Variants in EVA1C observed in about 807,000 individuals in gnomAD.
The protein encoded by EVA1C is eva-1 homolog C, also known as protein eva-1 homolog C.
A neutral mutation model predicts 45.4 loss-of-function variants in EVA1C; 25 were observed. The ratio of observed to expected loss-of-function variants is 0.55; its 90% confidence interval spans 0.40 to 0.77. The LOEUF is 0.77. EVA1C is among the 30% of genes least tolerant of loss of function. The probability of loss-of-function intolerance (pLI) is 0.00; values close to 1 mark genes in which losing one functional copy is unlikely to be tolerated. For missense variants in EVA1C, 479 were observed against 554.8 expected, an observed-to-expected ratio of 0.86 and a Z score of 1.37; for synonymous variants, 190 against 221.2, an observed-to-expected ratio of 0.86 and a Z score of 1.25.
chr21:32,503,049 A>T (rs2833855), intron 6 of EVA1C, among the ~76,000 whole-genome samples: 2 of 152,132 alleles, frequency 1.3e-5, no homozygotes, highest in East Asian at 3.9e-4. Flanking sequence ...CCTGTCTGAC[A>T]TGGCTAGGAG....
chr21:32,421,583 A>ACCTG (rs1440413322), intron 1 of EVA1C, among the ~76,000 whole-genome samples: 2 of 152,250 alleles, frequency 1.3e-5, no homozygotes, highest in East Asian at 3.8e-4. Flanking sequence ...GTCCCATGAT[A>ACCTG]CCTGGCAAAA....
intron 4 of EVA1C, among the ~76,000 whole-genome samples, chr21:32,484,268 C>T (rs1260658754): frequency 6.6e-6 from 1 of 152,142 alleles, no homozygotes; most frequent in Admixed American, 6.6e-5. Context: ...GTGGACCAGG[C>T]GCAGTGGCTG....
rs184060972 is a variant in EVA1C, at chr21:32,420,168, T to A, written c.160+7155T>A. ...AAAATACTTTTAGGGTTTTAAAAAA[T>A]TTTTACAGCCTGGCCCATAGGGTGA... On this transcript the variant is annotated intron_variant, in intron 1 of 7. Transcript: ENST00000300255. Among the ~76,000 whole-genome samples, 523 of 122,946 alleles carry A rather than the reference T, an allele frequency of 4.3e-3. 20 individuals are homozygous for A. The East Asian group carries it at 0.1, about 24-fold the overall frequency. 80.7% of individuals were successfully genotyped at this position (122,946 alleles called of 152,430 possible).
rs150478870 is a variant in EVA1C at position 32,514,961 on chromosome 21, A to T, written c.1097A>T (p.Asp366Val). 1.2e-4 allele frequency: 194 copies of T among 1,614,026 alleles called. No individual in the cohort carries two copies. The highest frequency in any genetic ancestry group is 1.5e-4 in the Non-Finnish European group (178 of 1,180,022). ...AGGGAGCAGCTGGTGCCAGGAAGTG[A>T]CAAGGTCGAGGAGGACAGCGAGGAT... is the stretch of plus-strand genomic sequence containing the variant. ...LGREQLVPGS[D>V]KVEEDSEDEE... Residue 366 changes from aspartate (D) to valine (V), a missense_variant, in exon 8 of 8, where the codon GAC (aspartate) becomes GTC (valine). This residue lies in a region of EVA1C where 366 missense variants were observed against 426.1 expected (regional missense o/e 0.86). Transcript: ENST00000300255.
intron 1 of EVA1C, among the ~76,000 whole-genome samples, chr21:32,434,068 G>T (rs60665902): frequency 6.6e-6 from 1 of 151,910 alleles, no homozygotes; most frequent in Admixed American, 6.6e-5. Flanking sequence ...GCCGAGGTGG[G>T]TGGATCATTT....
chr21:32,417,099 T>A (rs1301374480), intron 1 of EVA1C, among the ~76,000 whole-genome samples: 1 of 152,206 alleles, frequency 6.6e-6, no homozygotes, highest in African/African-American at 2.4e-5. Context: ...CCTGAGTAGC[T>A]AGGATTACAG....
In EVA1C at chr21:32,423,070, C is replaced by CAAAAAAA. The variant is rs3056306; in HGVS notation, c.160+10077_160+10083dup. 1.1e-3 allele frequency among the ~76,000 whole-genome samples: 97 copies of CAAAAAAA among 85,566 alleles called. 4 individuals are homozygous for CAAAAAAA. Among genetic ancestry groups the CAAAAAAA allele is most frequent in the East Asian group, 3.0e-3 (8 of 2,642 alleles). 56.1% of individuals were successfully genotyped at this position (85,566 alleles called of 152,430 possible). ...TGGGCAGCAGAGTGAGACTCTGTCTCAAAAAAAAAAAAAAAAAAAAAAAAA... is the reference window on the plus strand; with the variant it reads ...TGGGCAGCAGAGTGAGACTCTGTCTCAAAAAAAAAAAAAAAAAAAAAAAAAAAAAAAA... On this transcript the variant is annotated intron_variant, in intron 1 of 7. Transcript: ENST00000300255.
intron 7 of EVA1C, among the ~76,000 whole-genome samples, chr21:32,510,246 G>A (rs2037904827): frequency 6.6e-6 from 1 of 151,836 alleles, no homozygotes; most frequent in Non-Finnish European, 1.5e-5. Flanking sequence ...GTAGAGATGG[G>A]GTTTCATCAT....
rs1220573874 is a variant in EVA1C, at chr21:32,418,366, G to GA, written c.160+5357dup. Among the ~76,000 whole-genome samples, 4 of 152,286 alleles carry GA rather than the reference G, an allele frequency of 2.6e-5. No individual in the cohort carries two copies. The East Asian group carries it at 7.7e-4, about 29-fold the overall frequency. On this transcript the variant is annotated intron_variant, in intron 1 of 7. Coordinates refer to ENST00000300255, the MANE Select transcript of EVA1C (RefSeq NM_058187.5). ...GTTTCCATGGAAAGTGACTACATCT[G>GA]AAAAGTTTTCTGCCGGCTCTTTTTA...
chr21:32,455,551 T>G (rs2035748669), intron 2 of EVA1C, among the ~76,000 whole-genome samples: 1 of 152,082 alleles, frequency 6.6e-6, no homozygotes, highest in South Asian at 2.1e-4. Flanking sequence ...CCCCCATTTC[T>G]CAGCCACCTG....
chr21:32,437,358 G>A (rs1397768110), intron 1 of EVA1C, among the ~76,000 whole-genome samples: 1 of 152,064 alleles, frequency 6.6e-6, no homozygotes, highest in African/African-American at 2.4e-5. Flanking sequence ...GGTCTCAGTT[G>A]GCACCTTCCT....
chr21:32,454,336 C>A (rs1216196893), intron 2 of EVA1C, among the ~76,000 whole-genome samples: 1 of 152,164 alleles, frequency 6.6e-6, no homozygotes, highest in Non-Finnish European at 1.5e-5. Context: ...GTCATTCTTG[C>A]TTGGAGCTAT....
intron 3 of EVA1C, among the ~76,000 whole-genome samples, chr21:32,466,290 G>T (rs947929002): frequency 1.3e-5 from 2 of 151,920 alleles, no homozygotes; most frequent in African/African-American, 4.8e-5. Flanking sequence ...GTGGTGGCGG[G>T]TGCCTGTAGT....
intron 4 of EVA1C, 66 bp downstream of exon 4, chr21:32,467,914 A>ATT: frequency 9.8e-7 from 1 of 1,017,122 alleles, no homozygotes; most frequent in Non-Finnish European, 1.3e-6. Context: ...GAATATATAT[A>ATT]TATATATCCT....
At position 32,412,924 on chromosome 21, in the gene EVA1C, A is replaced by T. The variant is rs763415054; in HGVS notation, c.71A>T (p.Gln24Leu). The change falls in exon 1 of 8, where the codon CAG becomes CTG. Residue 24 changes from glutamine to leucine, a missense_variant. By Grantham distance (113) the Gln-to-Leu change is moderately radical. Around this residue, in one of 3 missense-constraint regions of EVA1C, gnomAD observed 80 missense variants for 63.8 expected, o/e 1.25. Transcript: ENST00000300255. Reference sequence around the variant, plus strand: ...GTGCAGCATCCCGGCCTCCGCCGGCAGGTAGAGCCGCCGGGGCAGCTCCTG... The same window carrying T: ...GTGCAGCATCCCGGCCTCCGCCGGCTGGTAGAGCCGCCGGGGCAGCTCCTG... ...QPVQHPGLRR[Q>L]VEPPGQLLRL... 1 of 1,528,822 alleles carries T rather than the reference A, an allele frequency of 6.5e-7. No individual in the cohort carries two copies. Among genetic ancestry groups the T allele is most frequent in the South Asian group, 1.2e-5 (1 of 82,030 alleles). 94.7% of individuals were successfully genotyped at this position (1,528,822 alleles called of 1,614,324 possible).
At position 32,467,810 on chromosome 21, in the gene EVA1C, A is replaced by G. The variant is rs1329877940; in HGVS notation, c.596A>G (p.Asp199Gly). The G allele has an allele frequency of 3.7e-6, 6 of 1,612,770 alleles. No homozygotes were observed. Among genetic ancestry groups the G allele is most frequent in the Middle Eastern group, 1.6e-4 (1 of 6,074 alleles). Residue 199 changes from aspartate (D) to glycine (G), a missense_variant, in exon 4 of 8, where the codon GAC (aspartate) becomes GGC (glycine). Asp to Gly is a moderately conservative substitution (Grantham distance 94). Coordinates refer to ENST00000300255, the MANE Select transcript of EVA1C (RefSeq NM_058187.5). ...TACGGCAGGAGGACCCAGGAAAGGG[A>G]CATCTGCTCCTCCAAGGCAGAGCGG... ...ATYGRRTQERDICSSKAERLP... is the reference protein window; with the variant it reads ...ATYGRRTQERGICSSKAERLP...
rs573759995 is a variant in EVA1C, at chr21:32,512,910, G to C, written c.950-1904G>C. ...GGGAGGAAAGGAGGGAAATTCAAAG[G>C]GGAGGAAGATGAAAGTGAAGTCGGG... On this transcript the variant is annotated intron_variant, in intron 7 of 7. Transcript: ENST00000300255. Among the ~76,000 whole-genome samples the C allele has an allele frequency of 4.4e-4, 67 of 152,076 alleles. No individual in the cohort carries two copies. In the South Asian group the frequency reaches 0.014, roughly 31 times the overall value.
rs759305143 is a variant in EVA1C at position 32,495,160 on chromosome 21, C to A, written c.768C>A (p.Thr256=). The A allele has an allele frequency of 6.2e-6, 10 of 1,614,022 alleles. No homozygotes were observed. In the Admixed American group the frequency reaches 1.7e-4, roughly 27 times the overall value. ...GCGTGAAAAAATACCTCACTGTGAC[C>A]TACGCATGTGGTAAGAACACACCCC... ...LPGVKKYLTV[T]YACVPKNILT... Residue 256 remains threonine (T), a synonymous_variant, in exon 5 of 8, where the codon ACC becomes ACA. Coordinates refer to ENST00000300255, the MANE Select transcript of EVA1C (RefSeq NM_058187.5).
At chr21:32,475,508 G>A (rs2036523776) in intron 4 of EVA1C, among the ~76,000 whole-genome samples, 1 of 146,156 alleles carries the variant, frequency 6.8e-6, no homozygotes, top group African/African-American at 2.6e-5. Context: ...TCGAGTATGA[G>A]CTGAGGACTG....
Sources: gnomAD v4.1 joint callset for allele counts (sites outside exome capture counted in the v4.1 genomes callset) on GRCh38, gnomAD v4.1.1 for gene constraint, gnomAD v4.1.1 regional missense constraint, MANE v1.5 for transcripts, NCBI Gene and HGNC (gene_info 2026-07-23, HGNC 2026-07-21) for gene names.